MYO5B: variants seen among roughly 807,000 people sequenced by gnomAD.
MYO5B encodes the protein myosin VB.
In MYO5B, 143 loss-of-function variants were observed where a neutral mutation model predicts 229.3. That is an observed-to-expected ratio of 0.62 (90% CI 0.54 to 0.72). MYO5B has a LOEUF of 0.72. MYO5B is among the 30% of genes least tolerant of loss of function. The pLI is 0.00. For synonymous variants in MYO5B, 918 were observed against 885.2 expected (o/e 1.04, Z -0.66); for missense variants, 2,321 against 2,331.0 (o/e 1.00, Z 0.09).
Position 50,194,973 on chromosome 18 carries a change from G to A in MYO5B, c.-180C>T, listed in dbSNP as rs1406157924. ...CCGCGGCCGGCTCGCTCCCGGCGGC[G>A]CGACCTTTACTCCCGCCGCGGCGGC... On this transcript the variant is annotated 5_prime_UTR_variant, in exon 1 of 40. Coordinates refer to ENST00000285039, the MANE Select transcript of MYO5B (RefSeq NM_001080467.3). The A allele has an allele frequency of 2.4e-5, 22 of 931,320 alleles. No individual in the cohort carries two copies. In the South Asian group the frequency reaches 1.0e-3, roughly 44 times the overall value. 57.7% of individuals were successfully genotyped at this position (931,320 alleles called of 1,614,324 possible). A position where few individuals can be genotyped will look rare whatever the true frequency, so the allele number is the denominator to read the frequency against.
intron 4 of MYO5B, among the ~76,000 whole-genome samples, chr18:50,023,337 A>G (rs2026297164): frequency 6.6e-6 from 1 of 152,144 alleles, no homozygotes; most frequent in Non-Finnish European, 1.5e-5. Context: ...GTGGGCCCAC[A>G]ACACACCTCA....
chr18:50,166,249 C>T (rs1265025110), intron 1 of MYO5B, among the ~76,000 whole-genome samples: 2 of 152,218 alleles, frequency 1.3e-5, no homozygotes, highest in Non-Finnish European at 2.9e-5. Flanking sequence ...ACCCATTATA[C>T]AAGCACTAAG....
At chr18:50,083,302 T>C (rs2031260612) in intron 1 of MYO5B, among the ~76,000 whole-genome samples, 1 of 152,176 alleles carries the variant, frequency 6.6e-6, no homozygotes, top group South Asian at 2.1e-4. Context: ...TTTCATGACA[T>C]GGGCATGACA....
intron 1 of MYO5B, among the ~76,000 whole-genome samples, chr18:50,120,962 C>T (rs897017875): frequency 2.0e-5 from 3 of 152,208 alleles, no homozygotes. Context: ...TTCTATCCAC[C>T]TCCAGCCTGC....
chr18:50,087,146 G>C (rs1021300491), intron 1 of MYO5B, among the ~76,000 whole-genome samples: 3 of 152,172 alleles, frequency 2.0e-5, no homozygotes, highest in Non-Finnish European at 4.4e-5. Context: ...TCAGTATTCT[G>C]CAAGATACTT....
chr18:50,041,467 T>C (rs1235947357), intron 2 of MYO5B, among the ~76,000 whole-genome samples: 1 of 152,106 alleles, frequency 6.6e-6, no homozygotes, highest in Non-Finnish European at 1.5e-5. Flanking sequence ...GGCAGATAAA[T>C]CAAGTGTAGT....
Position 50,195,065 on chromosome 18 carries a change from A to C in MYO5B, c.-272T>G. 2.0e-5 allele frequency: 6 copies of C among 305,498 alleles called. No individual in the cohort carries two copies. The highest frequency in any genetic ancestry group is 5.2e-5 in the East Asian group (1 of 19,090). 18.9% of individuals were successfully genotyped at this position (305,498 alleles called of 1,614,324 possible). On this transcript the variant is annotated 5_prime_UTR_variant, in exon 1 of 40. Coordinates refer to ENST00000285039, the MANE Select transcript of MYO5B (RefSeq NM_001080467.3). The stretch of plus-strand genomic sequence containing the variant: ...GGCCGCGCCGCACCACTCCCCTCCC[A>C]GGTGTGGGGAGGAGGCGAGGGCCGG...
At chr18:49,922,641 G>T (rs557225762) in intron 17 of MYO5B, among the ~76,000 whole-genome samples, 2 of 151,842 alleles carry the variant, frequency 1.3e-5, no homozygotes, top group Non-Finnish European at 2.9e-5. Flanking sequence ...TGCTAAGATG[G>T]CAAATGCCAG....
At chr18:49,903,327 G>A (rs1275969385) in intron 20 of MYO5B, among the ~76,000 whole-genome samples, 1 of 151,872 alleles carries the variant, frequency 6.6e-6, no homozygotes, top group Non-Finnish European at 1.5e-5. Context: ...CATCATCAGT[G>A]TGCTCGCCCT....
chr18:49,919,919 T>C (rs904722332), intron 17 of MYO5B, among the ~76,000 whole-genome samples: 6 of 152,122 alleles, frequency 3.9e-5, no homozygotes, highest in African/African-American at 1.4e-4. Flanking sequence ...CAAACATCCA[T>C]CCACTGATGA....
At chr18:50,011,113 C>T (rs2026156091) in intron 4 of MYO5B, among the ~76,000 whole-genome samples, 1 of 152,154 alleles carries the variant, frequency 6.6e-6, no homozygotes, top group Non-Finnish European at 1.5e-5. Context: ...GAGGCCGAGG[C>T]AGGCAGATCA....
chr18:49,918,069 A>G (rs2025036232), intron 17 of MYO5B, among the ~76,000 whole-genome samples: 1 of 152,218 alleles, frequency 6.6e-6, no homozygotes, highest in African/African-American at 2.4e-5. Context: ...CAAGGCAGGG[A>G]GTGGTAACAC....
At chr18:50,114,688 T>C (rs2031926253) in intron 1 of MYO5B, among the ~76,000 whole-genome samples, 1 of 152,106 alleles carries the variant, frequency 6.6e-6, no homozygotes, top group South Asian at 2.1e-4. Flanking sequence ...GGACCAGAAA[T>C]AAGAGTTCAT....
chr18:49,913,969 C>A (rs1598878715), intron 17 of MYO5B, among the ~76,000 whole-genome samples: 1 of 67,664 alleles, frequency 1.5e-5, no homozygotes, highest in East Asian at 2.4e-4. Flanking sequence ...CCCACTCTAA[C>A]CCCTGCTTCC....
intron 17 of MYO5B, among the ~76,000 whole-genome samples, chr18:49,923,695 C>T (rs759171039): frequency 7.2e-5 from 11 of 152,216 alleles, no homozygotes; most frequent in Admixed American, 1.3e-4. Context: ...TCCTCCCTAA[C>T]GTTCTCCAAG....
Position 49,835,392 on chromosome 18 carries a change from C to T in MYO5B, c.5346G>A (p.Leu1782=), listed in dbSNP as rs759244516. 3.1e-6 allele frequency: 5 copies of T among 1,612,454 alleles called. No individual in the cohort carries two copies. The African/African-American group carries it at 6.7e-5, about 22-fold the overall frequency. The part of the protein sequence containing the change: ...IVKILNLYTP[L]NEFEERVTVA... Reference sequence around the variant, plus strand: ...CTGTTACCCGTTCTTCAAATTCATTCAGGGGAGTATAAAGGTTTAAAATTT... The same window carrying T: ...CTGTTACCCGTTCTTCAAATTCATTTAGGGGAGTATAAAGGTTTAAAATTT... Residue 1782 remains leucine, a synonymous_variant, in exon 39 of 40, where the codon CTG becomes CTA. Coordinates refer to ENST00000285039, the MANE Select transcript of MYO5B (RefSeq NM_001080467.3).
intron 1 of MYO5B, among the ~76,000 whole-genome samples, chr18:50,189,471 G>C (rs1026285381): frequency 1.4e-4 from 22 of 152,174 alleles, no homozygotes; most frequent in African/African-American, 5.3e-4. Context: ...ATTGGTTAAG[G>C]ACTGTTCCCT....
chr18:49,875,685 A>C lies in MYO5B; in HGVS notation c.3537+2T>G, dbSNP rs557965347. 6.8e-6 allele frequency: 11 copies of C among 1,613,934 alleles called. No individual in the cohort carries two copies. The highest frequency in any genetic ancestry group is 1.7e-5 in the Admixed American group (1 of 59,992). On this transcript the variant is annotated splice_donor_variant, in intron 26 of 39. Coordinates refer to ENST00000285039, the MANE Select transcript of MYO5B (RefSeq NM_001080467.3). LOFTEE classifies it high-confidence loss of function. ...TAAGAGCACTGCAGCCCCTTCACGT[A>C]CCTGGACTTTCTTGCTGTCCTGCTG...
At chr18:49,915,342 C>T (rs1253586899) in intron 17 of MYO5B, among the ~76,000 whole-genome samples, 3 of 152,224 alleles carry the variant, frequency 2.0e-5, no homozygotes, top group Non-Finnish European at 4.4e-5. Flanking sequence ...TGTCTCTATG[C>T]CCATTCCCTC....
Sources: gnomAD v4.1 joint callset for allele counts (sites outside exome capture counted in the v4.1 genomes callset) on GRCh38, gnomAD v4.1.1 for gene constraint, MANE v1.5 for transcripts, NCBI Gene and HGNC (gene_info 2026-07-23, HGNC 2026-07-21) for gene names.